The following NTNG1 variants were observed in gnomAD, a reference collection of about 807,000 sequenced individuals.
NTNG1 encodes the protein netrin-G1.
NTNG1 carries 16 observed loss-of-function variants against 54.0 expected under a neutral mutation model. The ratio of observed to expected loss-of-function variants is 0.30; its 90% CI spans 0.20 to 0.45. The LOEUF is 0.45. Ranked by LOEUF, NTNG1 falls within the 20% of genes least tolerant of loss-of-function variation. The pLI, the probability that NTNG1 is intolerant of heterozygous loss-of-function variation, is 1.00. For missense variants in NTNG1, 530 were observed against 678.7 expected (o/e 0.78, Z 2.43); for synonymous variants, 255 against 263.1 (o/e 0.97, Z 0.30).
intron 2 of NTNG1, among the ~76,000 whole-genome samples, chr1:107,279,280 G>A (rs573112288): frequency 6.6e-6 from 1 of 151,876 alleles, no homozygotes; most frequent in African/African-American, 2.4e-5. Context: ...TTTCCTCCTT[G>A]TTTTGTTATT....
intron 2 of NTNG1, among the ~76,000 whole-genome samples, chr1:107,318,100 T>G (rs1667440484): frequency 6.6e-6 from 1 of 152,170 alleles, no homozygotes; most frequent in East Asian, 1.9e-4. Context: ...TCCCATAATT[T>G]CAGTTATCCC....
chr1:107,281,166 A>G (rs968731805), intron 2 of NTNG1, among the ~76,000 whole-genome samples: 3 of 151,968 alleles, frequency 2.0e-5, no homozygotes, highest in Non-Finnish European at 4.4e-5. Context: ...TTCTCCCATA[A>G]ATGTGTTGAA....
At position 107,148,486 on chromosome 1, in the gene NTNG1, C is replaced by T; in HGVS notation, c.-108C>T. On this transcript the variant is annotated 5_prime_UTR_variant, in exon 2 of 8. Transcript: ENST00000370068. ...AAAAAAAAATACAGAGACCTACCTACCCGTACGCATACATACATATGTGTA... is the reference window on the plus strand; with the variant it reads ...AAAAAAAAATACAGAGACCTACCTATCCGTACGCATACATACATATGTGTA... 2 of 1,020,778 alleles carry T rather than the reference C, an allele frequency of 2.0e-6. No homozygotes were observed. The highest frequency in any genetic ancestry group is 1.6e-5 in the African/African-American group (1 of 62,282). The allele number at this position is 1,020,778 out of a possible 1,614,324, so 63.2% of individuals were successfully genotyped here.
At chr1:107,346,251 G>A (rs1394363507) in intron 3 of NTNG1, among the ~76,000 whole-genome samples, 3 of 152,184 alleles carry the variant, frequency 2.0e-5, no homozygotes, top group Non-Finnish European at 4.4e-5. Context: ...GGCACTATGA[G>A]GAAACTGCAT....
chr1:107,336,146 T>C (rs1347531696), intron 3 of NTNG1, among the ~76,000 whole-genome samples: 3 of 151,074 alleles, frequency 2.0e-5, no homozygotes, highest in African/African-American at 7.3e-5. Flanking sequence ...AAAAGAAGAA[T>C]AAAGTTAGTG....
At chr1:107,297,184 C>CAT (rs1038987803) in intron 2 of NTNG1, among the ~76,000 whole-genome samples, 46 of 123,496 alleles carry the variant, frequency 3.7e-4, no homozygotes, top group Middle Eastern at 4.7e-3. Context: ...CATATAACAT[C>CAT]ATATATATAT....
At chr1:107,183,766 A>G (rs1657241417) in intron 2 of NTNG1, among the ~76,000 whole-genome samples, 1 of 152,162 alleles carries the variant, frequency 6.6e-6, no homozygotes, top group African/African-American at 2.4e-5. Context: ...ACACATTTCA[A>G]AAATAACCTG....
At chr1:107,341,684 T>C (rs760046482) in intron 3 of NTNG1, among the ~76,000 whole-genome samples, 16 of 152,090 alleles carry the variant, frequency 1.1e-4, no homozygotes, top group Non-Finnish European at 1.9e-4. Flanking sequence ...AGTGACAGCA[T>C]TGTAATATCC....
chr1:107,462,585 A>G (rs1677343135), intron 7 of NTNG1, among the ~76,000 whole-genome samples: 1 of 152,240 alleles, frequency 6.6e-6, no homozygotes, highest in Non-Finnish European at 1.5e-5. Flanking sequence ...CAAATGTGAT[A>G]CATTTAATGG....
At chr1:107,471,226 A>G (rs1677957649) in intron 7 of NTNG1, among the ~76,000 whole-genome samples, 1 of 152,158 alleles carries the variant, frequency 6.6e-6, no homozygotes, top group Admixed American at 6.5e-5. Flanking sequence ...CAGCTTCCAC[A>G]TTGTTCCCTA....
At chr1:107,343,912 G>A (rs980796183) in intron 3 of NTNG1, among the ~76,000 whole-genome samples, 3 of 152,158 alleles carry the variant, frequency 2.0e-5, no homozygotes, top group African/African-American at 7.2e-5. Flanking sequence ...CTGAGATGGA[G>A]AGAGACTGGC....
chr1:107,333,632 A>G (rs1358063978), intron 3 of NTNG1, among the ~76,000 whole-genome samples: 10 of 3,704 alleles, frequency 2.7e-3, no homozygotes, highest in Non-Finnish European at 8.8e-3. Flanking sequence ...ATACATGAAA[A>G]CATCGTGTGT....
At chr1:107,320,847 A>C (rs142573205) in intron 2 of NTNG1, among the ~76,000 whole-genome samples, 4 of 151,948 alleles carry the variant, frequency 2.6e-5, no homozygotes, top group African/African-American at 7.2e-5. Flanking sequence ...AGAACAATTG[A>C]TTTTTTCCCC....
intron 3 of NTNG1, among the ~76,000 whole-genome samples, chr1:107,364,588 G>T (rs1670481371): frequency 6.6e-6 from 1 of 152,088 alleles, no homozygotes; most frequent in Non-Finnish European, 1.5e-5. Context: ...AAGGGCCTGG[G>T]GTACTCTCAC....
chr1:107,395,735 C>T (rs982431803), intron 4 of NTNG1, among the ~76,000 whole-genome samples: 10 of 152,164 alleles, frequency 6.6e-5, no homozygotes, highest in African/African-American at 2.4e-4. Context: ...ATTTCCCCTA[C>T]TGAGTATCCT....
intron 7 of NTNG1, among the ~76,000 whole-genome samples, chr1:107,441,122 T>C (rs891892603): frequency 1.3e-5 from 2 of 152,070 alleles, no homozygotes; most frequent in African/African-American, 4.8e-5. Flanking sequence ...GCCTTCTACA[T>C]AGGAAGCAGC....
At chr1:107,234,261 T>G (rs991351723) in intron 2 of NTNG1, among the ~76,000 whole-genome samples, 5 of 152,100 alleles carry the variant, frequency 3.3e-5, no homozygotes, top group Non-Finnish European at 7.4e-5. Flanking sequence ...TAGCTGGGAT[T>G]ACAGATACCT....
chr1:107,393,366 G>T (rs1480074391), intron 3 of NTNG1, among the ~76,000 whole-genome samples: 1 of 152,118 alleles, frequency 6.6e-6, no homozygotes, highest in Non-Finnish European at 1.5e-5. Flanking sequence ...ATGTTGGAAG[G>T]AGAAAGATGC....
intron 7 of NTNG1, among the ~76,000 whole-genome samples, chr1:107,463,665 T>TA (rs1677420171): frequency 1.3e-5 from 2 of 152,272 alleles, no homozygotes; most frequent in African/African-American, 4.8e-5. Context: ...TAAGAGTTTT[T>TA]GTCAGCAAAT....
Sources: allele counts gnomAD v4.1 joint callset (sites outside exome capture counted in the v4.1 genomes callset), GRCh38; gene constraint gnomAD v4.1.1; transcripts MANE v1.5; gene names NCBI Gene and HGNC (gene_info 2026-07-23, HGNC 2026-07-21).